The following TTC17 variants were observed in gnomAD, a reference collection of about 807,000 sequenced individuals.
The protein encoded by TTC17 is tetratricopeptide repeat domain 17.
TTC17 carries 58 observed loss-of-function variants against 143.8 expected under a neutral mutation model. The ratio of observed to expected loss-of-function variants is 0.40; its 90% CI spans 0.33 to 0.50. The LOEUF is 0.50. TTC17 is among the 20% of genes least tolerant of loss of function. The pLI, the probability that TTC17 is intolerant of heterozygous loss-of-function variation, is 0.49. For synonymous variants in TTC17, 501 were observed against 497.8 expected (o/e 1.01, Z -0.09); for missense variants, 1,273 against 1,392.5 (o/e 0.91, Z 1.37).
intron 9 of TTC17, among the ~76,000 whole-genome samples, 160 bp from the exon 10 acceptor site, chr11:43,401,286 T>G (rs1195732065): frequency 1.3e-5 from 2 of 152,212 alleles, no homozygotes; most frequent in South Asian, 4.1e-4. Flanking sequence ...TTTATTTGAT[T>G]AACCATTAAT....
In TTC17 at chr11:43,407,567, A is replaced by C. The variant is rs146700988; in HGVS notation, c.2054A>C (p.Asn685Thr). Residue 685 changes from asparagine to threonine, a missense_variant, in exon 15 of 24, where the codon AAT becomes ACT. This residue lies in a region of TTC17 where 878 missense variants were observed against 899.8 expected (regional missense o/e 0.98). Coordinates refer to ENST00000039989, the MANE Select transcript of TTC17 (RefSeq NM_018259.6). ...TKLLLQALAI[N>T]SSEPLTFLSL... The stretch of plus-strand genomic sequence containing the variant: ...CTGCTACTTCAAGCTTTGGCCATCA[A>C]TAGCTCTGAGGTGAGGTTTTAAGGG... 3.1e-6 allele frequency: 5 copies of C among 1,613,942 alleles called. No homozygotes were observed. Among genetic ancestry groups the C allele is most frequent in the Non-Finnish European group, 4.2e-6 (5 of 1,179,936 alleles).
chr11:43,396,674 A>G, intron 5 of TTC17, 35 bp from the exon 6 acceptor site: 1 of 1,306,416 alleles, frequency 7.7e-7, no homozygotes, highest in Non-Finnish European at 1.1e-6. Context: ...AACTGTCTTG[A>G]GTCGTGTTTG....
At chr11:43,375,625 G>A (rs530163029) in intron 1 of TTC17, among the ~76,000 whole-genome samples, 2 of 151,546 alleles carry the variant, frequency 1.3e-5, no homozygotes, top group African/African-American at 4.8e-5. Context: ...TTGCTTTCGT[G>A]TACCTAGATG....
chr11:43,359,164 G>T, intron 1 of TTC17, 51 bp downstream of exon 1: 3 of 1,507,228 alleles, frequency 2.0e-6, no homozygotes, highest in Non-Finnish European at 2.7e-6. Flanking sequence ...GCCCCGGGGG[G>T]ATTACCCTGC....
chr11:43,463,858 T>C (rs1408952790), intron 21 of TTC17, among the ~76,000 whole-genome samples: 5 of 152,228 alleles, frequency 3.3e-5, no homozygotes, highest in African/African-American at 9.6e-5. Context: ...GCTGCATGAA[T>C]GCACAAACCA....
intron 2 of TTC17, chr11:43,385,815 TGGAAA>T (rs1857149410): frequency 6.7e-6 from 1 of 149,770 alleles, no homozygotes; most frequent in Admixed American, 6.6e-5. Context: ...AATATAAATA[TGGAAA>T]TAATATTATA....
chr11:43,492,398 A>C (rs1258739931), intron 23 of TTC17, among the ~76,000 whole-genome samples: 1 of 152,194 alleles, frequency 6.6e-6, no homozygotes, highest in Non-Finnish European at 1.5e-5. Context: ...TGAGTTGAAC[A>C]TTAACAGCAG....
chr11:43,402,774 G>C (rs776040613), intron 10 of TTC17, among the ~76,000 whole-genome samples: 33 of 152,176 alleles, frequency 2.2e-4, no homozygotes, highest in African/African-American at 6.3e-4. Flanking sequence ...TACTCAACCT[G>C]TATTAGAAAT....
At chr11:43,470,776 G>T (rs1948077372) in intron 21 of TTC17, among the ~76,000 whole-genome samples, 1 of 152,166 alleles carries the variant, frequency 6.6e-6, no homozygotes, top group African/African-American at 2.4e-5. Context: ...AGTAGCTTTA[G>T]GGTGAGGCTT....
chr11:43,443,605 C>G (rs747708572), intron 17 of TTC17, 21 bp downstream of exon 17: 1 of 1,594,306 alleles, frequency 6.3e-7, no homozygotes, highest in Non-Finnish European at 8.6e-7. Context: ...CAACTTAATT[C>G]TCACAAAATT....
chr11:43,420,820 C>T (rs1339940422), intron 16 of TTC17, among the ~76,000 whole-genome samples: 3 of 152,020 alleles, frequency 2.0e-5, no homozygotes, highest in African/African-American at 7.2e-5. Context: ...GCCTATTAGC[C>T]CTTGCCTGAG....
intron 16 of TTC17, 73 bp downstream of exon 16, chr11:43,414,849 A>C: frequency 1.3e-6 from 2 of 1,493,022 alleles, no homozygotes; most frequent in Non-Finnish European, 1.8e-6. Flanking sequence ...AGAACACAGA[A>C]AATGATTTTC....
intron 16 of TTC17, among the ~76,000 whole-genome samples, chr11:43,441,205 A>T (rs904718916): frequency 2.0e-5 from 3 of 150,706 alleles, no homozygotes; most frequent in African/African-American, 7.4e-5. Context: ...CAGGAGGCAG[A>T]GGTTTAAGTG....
At chr11:43,437,029 A>G (rs1947308367) in intron 16 of TTC17, among the ~76,000 whole-genome samples, 1 of 152,158 alleles carries the variant, frequency 6.6e-6, no homozygotes, top group Admixed American at 6.6e-5. Context: ...TGGTGATTCA[A>G]ATACCCTTGA....
At chr11:43,421,424 T>C in intron 16 of TTC17, among the ~76,000 whole-genome samples, 1 of 152,160 alleles carries the variant, frequency 6.6e-6, no homozygotes, top group Non-Finnish European at 1.5e-5. Context: ...GGGCTTTTCG[T>C]CTAAGAGAAA....
At chr11:43,381,737 G>T (rs1856976588) in intron 2 of TTC17, among the ~76,000 whole-genome samples, 1 of 152,108 alleles carries the variant, frequency 6.6e-6, no homozygotes. Flanking sequence ...ATAGAACCTG[G>T]AAACAACCAC....
At chr11:43,479,433 G>A (rs895649181) in intron 21 of TTC17, among the ~76,000 whole-genome samples, 1 of 152,116 alleles carries the variant, frequency 6.6e-6, no homozygotes, top group Non-Finnish European at 1.5e-5. Flanking sequence ...TGGGTTACAT[G>A]AATTAGACAT....
intron 16 of TTC17, among the ~76,000 whole-genome samples, chr11:43,416,426 T>G (rs1211056133): frequency 2.6e-5 from 4 of 152,164 alleles, no homozygotes; most frequent in African/African-American, 9.6e-5. Flanking sequence ...TTAGCATTAA[T>G]TTTACATGTT....
intron 16 of TTC17, among the ~76,000 whole-genome samples, chr11:43,426,865 C>G (rs965366885): frequency 6.6e-6 from 1 of 152,162 alleles, no homozygotes; most frequent in African/African-American, 2.4e-5. Flanking sequence ...AAAAGACAAG[C>G]CTGATAAGCC....
Sources: allele counts gnomAD v4.1 joint callset (sites outside exome capture counted in the v4.1 genomes callset), GRCh38; gene constraint gnomAD v4.1.1; regional missense constraint gnomAD v4.1.1; transcripts MANE v1.5; gene names NCBI Gene and HGNC (gene_info 2026-07-23, HGNC 2026-07-21).